Variants in SLC25A45 observed in about 807,000 individuals in gnomAD.
The protein encoded by SLC25A45 is methylated amino-acid transporter SLC25A45.
SLC25A45 carries 22 observed loss-of-function variants against 23.0 expected under a neutral mutation model. The ratio of observed to expected loss-of-function variants is 0.95; its 90% CI spans 0.68 to 1.36. The LOEUF is 1.36. Ranked by LOEUF, SLC25A45 falls within the 40% of genes most tolerant of loss-of-function variation. The pLI is 0.00. For synonymous variants in SLC25A45, 136 were observed against 155.0 expected, an observed-to-expected ratio of 0.88 and a Z score of 0.91; for missense variants, 355 against 383.5, an observed-to-expected ratio of 0.93 and a Z score of 0.62.
At chr11:65,381,777 C>T in intron 2 of SLC25A45, 138 bp downstream of exon 2, 1 of 1,091,228 alleles carries the variant, frequency 9.2e-7, no homozygotes, top group South Asian at 1.2e-5. Flanking sequence ...AGACTGGTCT[C>T]AAACTCCTGG....
Position 65,382,186 on chromosome 11 carries a change from C to A in SLC25A45, c.-18-217G>T. On this transcript the variant is annotated intron_variant, in intron 1 of 6. Coordinates refer to ENST00000398802, the MANE Select transcript of SLC25A45 (RefSeq NM_182556.4). The surrounding 1 kb of genome is among the most constrained non-coding windows in gnomAD (Gnocchi z 4.4). The stretch of plus-strand genomic sequence containing the variant: ...GTACAGTCTCACGGGCCAGGCGTGC[C>A]GGGACCACAGAGGCCCTGATCCCCG... 4 of 571,148 alleles carry A rather than the reference C, an allele frequency of 7.0e-6. No individual in the cohort carries two copies. The highest frequency in any genetic ancestry group is 1.3e-5 in the Non-Finnish European group (4 of 316,968). The allele number at this position is 571,148 out of a possible 1,614,324, so 35.4% of individuals were successfully genotyped here. A position where few individuals can be genotyped will look rare whatever the true frequency, so the allele number is the denominator to read the frequency against.
chr11:65,379,052 TG>T (rs1855379830), intron 5 of SLC25A45: 1 of 348,650 alleles, frequency 2.9e-6, no homozygotes, highest in Non-Finnish European at 5.3e-6. Context: ...AAGGTCTCCT[TG>T]GGGAGTGGGC....
At chr11:65,382,711 G>A (rs1855638728), upstream of SLC25A45, 1 of 152,682 alleles carries the variant, frequency 6.5e-6, no homozygotes, top group South Asian at 2.0e-4. This position sits in a 1 kb window ranked among gnomAD's most constrained non-coding sequence, Gnocchi z 4.4. Flanking sequence ...CTGACCTCAC[G>A]TCCTGCCACC....
chr11:65,377,491 T>G, intron 5 of SLC25A45: 1 of 871,028 alleles, frequency 1.1e-6, no homozygotes. Flanking sequence ...AAACCACCCT[T>G]TCCCAGGGTG....
At chr11:65,379,716 G>T in intron 4 of SLC25A45, 151 bp downstream of exon 4, 2 of 1,259,370 alleles carry the variant, frequency 1.6e-6, no homozygotes. Context: ...TGCGCCTCTG[G>T]GGTGCTAAGC....
Position 65,376,523 on chromosome 11 carries a change from G to T in SLC25A45, c.751C>A (p.Arg251=), listed in dbSNP as rs542994777. The T allele has an allele frequency of 1.2e-6, 2 of 1,614,068 alleles. No homozygotes were observed. The highest frequency in any genetic ancestry group is 4.5e-5 in the East Asian group (2 of 44,900). Residue 251 remains arginine, a synonymous_variant, in exon 7 of 7, where the codon CGG becomes AGG. Coordinates refer to ENST00000398802, the MANE Select transcript of SLC25A45 (RefSeq NM_182556.4). Reference sequence around the variant, plus strand: ...AAGAAGACTCCCAGTCCTTCCTGCCGGATGCTGCTCACCATGCAGTCCAGC... The same window carrying T: ...AAGAAGACTCCCAGTCCTTCCTGCCTGATGCTGCTCACCATGCAGTCCAGC... ...GMLDCMVSSI[R]QEGLGVFFRG...
chr11:65,376,107 G>C lies in SLC25A45; in HGVS notation c.*300C>G. 1 of 466,872 alleles carries C rather than the reference G, an allele frequency of 2.1e-6. No individual in the cohort carries two copies. Among genetic ancestry groups the C allele is most frequent in the Non-Finnish European group, 3.9e-6 (1 of 259,604 alleles). The allele number at this position is 466,872 out of a possible 1,614,324, so 28.9% of individuals were successfully genotyped here. On this transcript the variant is annotated 3_prime_UTR_variant, in exon 7 of 7. Transcript: ENST00000398802. Reference sequence around the variant, plus strand: ...AAAAAAAAAAAGAGGTGAAGGCACAGGACAGGAGCTGGGATGTCACCAGCA... The same window carrying C: ...AAAAAAAAAAAGAGGTGAAGGCACACGACAGGAGCTGGGATGTCACCAGCA...
chr11:65,377,412 C>T, intron 5 of SLC25A45: 3 of 1,176,140 alleles, frequency 2.6e-6, no homozygotes, highest in East Asian at 1.1e-4. Flanking sequence ...CTAAAGCCGG[C>T]AGTGAGCATA....
Position 65,382,115 on chromosome 11 carries a change from G to A in SLC25A45, c.-18-146C>T. 1 of 673,282 alleles carries A rather than the reference G, an allele frequency of 1.5e-6. No individual in the cohort carries two copies. 41.7% of individuals were successfully genotyped at this position (673,282 alleles called of 1,614,324 possible). A position where few individuals can be genotyped will look rare whatever the true frequency, so the allele number is the denominator to read the frequency against. On this transcript the variant is annotated intron_variant, in intron 1 of 6. Coordinates refer to ENST00000398802, the MANE Select transcript of SLC25A45 (RefSeq NM_182556.4). This position sits in a 1 kb window ranked among gnomAD's most constrained non-coding sequence, Gnocchi z 4.4. ...GACCTCCGGCAACTGGCAGAGGAGAGCGAGCCAGTTCCGGTGACCCTGGCC... is the reference window on the plus strand; with the variant it reads ...GACCTCCGGCAACTGGCAGAGGAGAACGAGCCAGTTCCGGTGACCCTGGCC...
At chr11:65,381,517 G>A (rs1021344851) in intron 2 of SLC25A45, 4 of 184,368 alleles carry the variant, frequency 2.2e-5, no homozygotes, top group Admixed American at 5.7e-5. Context: ...CCTCAGCCTC[G>A]CAAAGTGCTG....
intron 2 of SLC25A45, 145 bp downstream of exon 2, chr11:65,381,770 C>A: frequency 1.0e-6 from 1 of 962,416 alleles, no homozygotes; most frequent in South Asian, 1.3e-5. Flanking sequence ...GTTGCCCAGA[C>A]TGGTCTCAAA....
intron 5 of SLC25A45, chr11:65,379,096 G>C (rs1436482291): frequency 2.2e-6 from 1 of 449,302 alleles, no homozygotes; most frequent in Non-Finnish European, 4.0e-6. Flanking sequence ...AGACCCCTCT[G>C]GAGGGGGGCA....
Position 65,376,153 on chromosome 11 carries a change from G to A in SLC25A45, c.*254C>T. On this transcript the variant is annotated 3_prime_UTR_variant, in exon 7 of 7. Transcript: ENST00000398802. ...CAGCACCACTTGCCAGCTCACTTGTGCCTCATGCTCCCTGTTTCACAGATG... is the reference window on the plus strand; with the variant it reads ...CAGCACCACTTGCCAGCTCACTTGTACCTCATGCTCCCTGTTTCACAGATG... 7.1e-6 allele frequency: 4 copies of A among 561,502 alleles called. No homozygotes were observed. The highest frequency in any genetic ancestry group is 1.3e-5 in the Non-Finnish European group (4 of 314,122). 34.8% of individuals were successfully genotyped at this position (561,502 alleles called of 1,614,324 possible). A position where few individuals can be genotyped will look rare whatever the true frequency, so the allele number is the denominator to read the frequency against.
At position 65,376,859 on chromosome 11, in the gene SLC25A45, T is replaced by C. The variant is rs747635017; in HGVS notation, c.557A>G (p.Glu186Gly). 5.0e-6 allele frequency: 8 copies of C among 1,614,184 alleles called. No individual in the cohort carries two copies. The Admixed American group carries it at 1.3e-4, about 27-fold the overall frequency. Residue 186 changes from glutamate (E) to glycine (G), a missense_variant, in exon 6 of 7, where the codon GAA (glutamate) becomes GGA (glycine). Glu to Gly is a moderately conservative substitution (Grantham distance 98). Transcript: ENST00000398802. ...TGGTGTGTACTGGCGACAGAGCCCT[T>C]CATAGGTGATGAAGTAGATCCCCAC... is the stretch of plus-strand genomic sequence containing the variant. ...PTVGIYFITYEGLCRQYTPEG... is the reference protein window; with the variant it reads ...PTVGIYFITYGGLCRQYTPEG...
intron 2 of SLC25A45, chr11:65,380,737 TG>T (rs1565583204): frequency 1.9e-6 from 1 of 540,464 alleles, no homozygotes; most frequent in Non-Finnish European, 2.9e-6. Context: ...TTCTGGAGTT[TG>T]GGGGAGGTCG....
At chr11:65,379,828 C>T (rs2137804787) in intron 4 of SLC25A45, 39 bp downstream of exon 4, 1 of 1,612,400 alleles carries the variant, frequency 6.2e-7, no homozygotes, top group Non-Finnish European at 8.5e-7. Flanking sequence ...CAGATGCCTC[C>T]CCGAAAGGGG....
At chr11:65,377,708 C>G (rs1565573785) in intron 5 of SLC25A45, 1 of 152,860 alleles carries the variant, frequency 6.5e-6, no homozygotes, top group African/African-American at 2.4e-5. Context: ...AGATGCTACA[C>G]AGATTTGGGA....
In SLC25A45 at chr11:65,376,241, C is replaced by A; in HGVS notation, c.*166G>T. The A allele has an allele frequency of 1.2e-6, 1 of 837,066 alleles. No homozygotes were observed. Among genetic ancestry groups the A allele is most frequent in the Non-Finnish European group, 1.8e-6 (1 of 548,350 alleles). 51.9% of individuals were successfully genotyped at this position (837,066 alleles called of 1,614,324 possible). A position where few individuals can be genotyped will look rare whatever the true frequency, so the allele number is the denominator to read the frequency against. Reference sequence around the variant, plus strand: ...GCTGCACAGGCCCCCTGGCTTCCGGCTCCCACAGGTGTCTGCCCAGCCCAG... The same window carrying A: ...GCTGCACAGGCCCCCTGGCTTCCGGATCCCACAGGTGTCTGCCCAGCCCAG... On this transcript the variant is annotated 3_prime_UTR_variant, in exon 7 of 7. Transcript: ENST00000398802.
intron 5 of SLC25A45, chr11:65,378,745 C>T (rs1402463608): frequency 6.6e-6 from 1 of 152,388 alleles, no homozygotes; most frequent in East Asian, 1.9e-4. Flanking sequence ...GCCGGGCGCA[C>T]CCTCTCCCTG....
Sources: allele counts gnomAD v4.1 joint callset, GRCh38; gene constraint gnomAD v4.1.1; non-coding constraint Gnocchi (gnomAD v3.1); transcripts MANE v1.5; gene names NCBI Gene and HGNC (gene_info 2026-07-23, HGNC 2026-07-21).